Variants in ZP3 observed in about 807,000 individuals in gnomAD.
ZP3 encodes zona pellucida sperm-binding protein 3.
In ZP3, 21 loss-of-function variants were observed where a neutral mutation model predicts 35.6. That is an observed-to-expected ratio of 0.59 (90% confidence interval 0.42 to 0.85). The LOEUF is 0.85. Among genes scored for constraint, ZP3 ranks in the 40% least tolerant of loss-of-function variants. The probability of loss-of-function intolerance (pLI) is 0.00; values close to 1 mark genes in which losing one functional copy is unlikely to be tolerated. For missense variants in ZP3, 437 were observed against 536.5 expected (o/e 0.81, Z 1.83); for synonymous variants, 207 against 214.5 (o/e 0.96, Z 0.31).
At chr7:76,436,045 T>C (rs1335471757) in intron 5 of ZP3, among the ~76,000 whole-genome samples, 41 of 37,978 alleles carry the variant, frequency 1.1e-3, no homozygotes, top group African/African-American at 6.1e-3. Context: ...TTTTTTTTTT[T>C]TTTTTTTTTT....
chr7:76,435,435 G>A (rs1461068597), intron 5 of ZP3, among the ~76,000 whole-genome samples: 4 of 152,256 alleles, frequency 2.6e-5, no homozygotes, highest in African/African-American at 4.8e-5. Flanking sequence ...AATTACAGGC[G>A]TGAGCCACCA....
chr7:76,428,318 C>T (rs1454483482), intron 1 of ZP3, among the ~76,000 whole-genome samples: 2 of 151,836 alleles, frequency 1.3e-5, no homozygotes, highest in Non-Finnish European at 2.9e-5. Context: ...AAGACTGCAT[C>T]TCAAAAAAAC....
upstream of ZP3, among the ~76,000 whole-genome samples, chr7:76,424,635 TCAAAA>T (rs555801960): frequency 1.3e-3 from 205 of 152,092 alleles, 1 homozygote; most frequent in Non-Finnish European, 2.3e-3. Flanking sequence ...AGACTCTGTC[TCAAAA>T]CAAAACAAAA....
chr7:76,423,365 A>G (rs772658012), upstream of ZP3, among the ~76,000 whole-genome samples: 1 of 152,188 alleles, frequency 6.6e-6, no homozygotes, highest in Non-Finnish European at 1.5e-5. Context: ...TGGGCAAAGC[A>G]CGTGAAGGTA....
intron 1 of ZP3, among the ~76,000 whole-genome samples, chr7:76,417,581 C>A (rs11983026): frequency 0.17 from 26,001 of 151,684 alleles, 4,207 homozygotes; most frequent in African/African-American, 0.42. Context: ...CAGGTTGACA[C>A]GTAGAAAGAA....
intron 1 of ZP3, among the ~76,000 whole-genome samples, chr7:76,425,593 G>C (rs1805627456): frequency 6.6e-6 from 1 of 152,148 alleles, no homozygotes; most frequent in Non-Finnish European, 1.5e-5. Context: ...AGCCCTGTGG[G>C]TAGCCTAAGG....
intron 5 of ZP3, among the ~76,000 whole-genome samples, chr7:76,435,018 G>A (rs1169766939): frequency 6.6e-6 from 1 of 152,216 alleles, no homozygotes; most frequent in African/African-American, 2.4e-5. Flanking sequence ...GCAGGTGCAA[G>A]GACCAACATC....
intron 5 of ZP3, among the ~76,000 whole-genome samples, chr7:76,436,885 G>A (rs1231385579): frequency 2.0e-5 from 3 of 152,256 alleles, no homozygotes; most frequent in Admixed American, 2.0e-4. Flanking sequence ...TCTGGGGGTT[G>A]AGGGGTAACT....
chr7:76,437,095 G>C (rs1315749371), intron 5 of ZP3, among the ~76,000 whole-genome samples: 1 of 151,810 alleles, frequency 6.6e-6, no homozygotes, highest in Non-Finnish European at 1.5e-5. Context: ...GAGGTGGGAG[G>C]ATCAGAGTTC....
At chr7:76,409,297 C>CCT (rs148221845) in intron 1 of ZP3, 8,642 of 132,228 alleles carry the variant, frequency 0.065, 298 homozygotes, top group Non-Finnish European at 0.087. Context: ...GAAATGGTTG[C>CCT]CTCTCTCTCT....
upstream of ZP3, among the ~76,000 whole-genome samples, chr7:76,422,827 G>A (rs749604178): frequency 1.1e-4 from 17 of 150,982 alleles, no homozygotes; most frequent in African/African-American, 1.9e-4. Flanking sequence ...GTGAAACCCC[G>A]TCTTTACTAA....
At chr7:76,438,681 C>T (rs868391292) in intron 5 of ZP3, among the ~76,000 whole-genome samples, 3 of 146,146 alleles carry the variant, frequency 2.1e-5, no homozygotes, top group East Asian at 2.1e-4. Context: ...GGTGGGTAAA[C>T]GTTTCCCAGA....
intron 1 of ZP3, among the ~76,000 whole-genome samples, chr7:76,426,040 G>A (rs1805640124): frequency 6.7e-6 from 1 of 149,952 alleles, no homozygotes; most frequent in Admixed American, 6.7e-5. Context: ...CTGAGATTGT[G>A]CCACTGCACT....
chr7:76,407,354 CAG>C (rs1285336778), intron 1 of ZP3, among the ~76,000 whole-genome samples: 1 of 147,670 alleles, frequency 6.8e-6, no homozygotes, highest in Non-Finnish European at 1.5e-5. Context: ...TTTTTTGAGA[CAG>C]AGTCTCGCCT....
intron 1 of ZP3, chr7:76,400,859 TG>T: frequency 8.2e-7 from 1 of 1,215,534 alleles, no homozygotes; most frequent in Non-Finnish European, 1.2e-6. Flanking sequence ...CAATCCCTTC[TG>T]GAAAATGGGG....
At position 76,432,989 on chromosome 7, in the gene ZP3, T is replaced by C; in HGVS notation, c.494T>C (p.Phe165Ser). The C allele has an allele frequency of 1.2e-6, 2 of 1,614,078 alleles. No homozygotes were observed. Among genetic ancestry groups the C allele is most frequent in the East Asian group, 4.5e-5 (2 of 44,880 alleles). Residue 165 changes from phenylalanine (F) to serine (S), a missense_variant, in exon 3 of 8, where the codon TTC becomes TCC. Phe to Ser is a radical substitution (Grantham distance 155). Coordinates refer to ENST00000394857, the MANE Select transcript of ZP3 (RefSeq NM_001110354.2). ...PTWLPFRTTV[F>S]SEEKLTFSLR... Reference sequence around the variant, plus strand: ...TGGTTGCCCTTCAGGACCACGGTGTTCTCAGAGGAGAAGCTGACTTTCTCT... The same window carrying C: ...TGGTTGCCCTTCAGGACCACGGTGTCCTCAGAGGAGAAGCTGACTTTCTCT...
chr7:76,414,244 G>A (rs930833910), intron 1 of ZP3, among the ~76,000 whole-genome samples: 6 of 151,938 alleles, frequency 3.9e-5, no homozygotes, highest in Non-Finnish European at 5.9e-5. Context: ...CGGTCCGCCT[G>A]CCTTAGCGTC....
intron 1 of ZP3, among the ~76,000 whole-genome samples, chr7:76,417,127 G>T (rs977836463): frequency 5.3e-5 from 8 of 151,426 alleles, no homozygotes; most frequent in African/African-American, 1.7e-4. Flanking sequence ...GTGCGATCTC[G>T]GCTCACCCCA....
chr7:76,404,387 C>G, intron 1 of ZP3: 2 of 1,614,022 alleles, frequency 1.2e-6, no homozygotes, highest in East Asian at 2.2e-5. Context: ...CCTCCACCCC[C>G]AGCGCTTCTC....
Sources: allele counts gnomAD v4.1 joint callset (sites outside exome capture counted in the v4.1 genomes callset), GRCh38; gene constraint gnomAD v4.1.1; transcripts MANE v1.5; gene names NCBI Gene and HGNC (gene_info 2026-07-23, HGNC 2026-07-21).